Variants in MAST4 observed in about 807,000 individuals in gnomAD.
MAST4 encodes microtubule-associated serine/threonine-protein kinase 4.
MAST4 carries 89 observed loss-of-function variants against 162.7 expected under a neutral mutation model. That is an observed-to-expected ratio of 0.55 (90% CI 0.46 to 0.65). MAST4 has a LOEUF of 0.65. Among genes scored for constraint, MAST4 ranks in the 30% least tolerant of loss-of-function variants. MAST4 has a pLI of 0.00. For missense variants in MAST4, 3,153 were observed against 3,374.0 expected (o/e 0.93, Z 1.62); for synonymous variants, 1,479 against 1,361.1 (o/e 1.09, Z -1.91).
chr5:66,837,878 A>G (rs1469294416), intron 3 of MAST4, among the ~76,000 whole-genome samples: 1 of 50,442 alleles, frequency 2.0e-5, no homozygotes, highest in Non-Finnish European at 3.4e-5. Flanking sequence ...ATATATATAT[A>G]TATATATATA....
At chr5:66,600,829 T>C (rs1404362601) in intron 1 of MAST4, among the ~76,000 whole-genome samples, 1 of 152,204 alleles carries the variant, frequency 6.6e-6, no homozygotes, top group East Asian at 1.9e-4. Context: ...TCACTGTGTT[T>C]ATTAGAACTT....
intron 4 of MAST4, among the ~76,000 whole-genome samples, chr5:66,915,830 C>T (rs2150028624): frequency 6.6e-6 from 1 of 152,320 alleles, no homozygotes; most frequent in East Asian, 1.9e-4. Context: ...CCCTTAGTGT[C>T]CGCCTGAGGT....
intron 4 of MAST4, among the ~76,000 whole-genome samples, chr5:67,000,575 G>A (rs982619196): frequency 9.2e-5 from 14 of 151,960 alleles, no homozygotes; most frequent in Admixed American, 3.9e-4. Flanking sequence ...GTGAAACCCC[G>A]TCCCTACTAA....
chr5:66,649,109 G>A (rs942170658), intron 1 of MAST4, among the ~76,000 whole-genome samples: 19 of 152,020 alleles, frequency 1.2e-4, no homozygotes, highest in Admixed American at 5.9e-4. Context: ...GAGTATTTCC[G>A]CTTTTGTGAT....
chr5:67,145,702 G>T (rs1182871761), intron 23 of MAST4, among the ~76,000 whole-genome samples: 1 of 152,186 alleles, frequency 6.6e-6, no homozygotes, highest in East Asian at 1.9e-4. Context: ...GTTCTCAGTT[G>T]TTGATGCAAA....
chr5:66,845,817 G>C (rs1187193254), intron 3 of MAST4, among the ~76,000 whole-genome samples: 1 of 152,118 alleles, frequency 6.6e-6, no homozygotes, highest in Non-Finnish European at 1.5e-5. Context: ...AACACTTTAA[G>C]ATTAGTGGAC....
At chr5:66,910,230 A>G (rs1763653913) in intron 4 of MAST4, among the ~76,000 whole-genome samples, 1 of 152,210 alleles carries the variant, frequency 6.6e-6, no homozygotes, top group Non-Finnish European at 1.5e-5. Flanking sequence ...TACCCTTAAC[A>G]GTAGCTGAAG....
intron 26 of MAST4, among the ~76,000 whole-genome samples, chr5:67,159,546 A>G (rs950304340): frequency 2.0e-5 from 3 of 152,194 alleles, no homozygotes; most frequent in African/African-American, 7.2e-5. Flanking sequence ...GGCCTTTAAA[A>G]AGATCCTTTT....
chr5:66,666,749 A>G (rs1747286935), intron 1 of MAST4, among the ~76,000 whole-genome samples: 1 of 152,238 alleles, frequency 6.6e-6, no homozygotes, highest in African/African-American at 2.4e-5. Flanking sequence ...CGTTTTAAAT[A>G]TTACTTTCCT....
chr5:66,797,486 G>A (rs1215074115), intron 3 of MAST4, among the ~76,000 whole-genome samples: 1 of 152,168 alleles, frequency 6.6e-6, no homozygotes, highest in Non-Finnish European at 1.5e-5. Flanking sequence ...TTCTGAATCA[G>A]TGTGTTCCCC....
At chr5:66,763,675 CAT>C (rs994865978) in intron 2 of MAST4, among the ~76,000 whole-genome samples, 1 of 152,134 alleles carries the variant, frequency 6.6e-6, no homozygotes, top group Non-Finnish European at 1.5e-5. Flanking sequence ...TAAATGGTCT[CAT>C]AGTGTCTCAT....
At chr5:67,052,854 TCAG>T (rs1758354534) in intron 4 of MAST4, among the ~76,000 whole-genome samples, 1 of 152,144 alleles carries the variant, frequency 6.6e-6, no homozygotes, top group Non-Finnish European at 1.5e-5. Flanking sequence ...TCTATTAACA[TCAG>T]CAAGTTAATA....
chr5:66,889,029 A>G (rs1197240734), intron 3 of MAST4, among the ~76,000 whole-genome samples: 1 of 152,246 alleles, frequency 6.6e-6, no homozygotes, highest in African/African-American at 2.4e-5. Context: ...TATATCCACT[A>G]TATTAACTAG....
At chr5:67,142,585 C>T in intron 21 of MAST4, 52 bp downstream of exon 21, 1 of 1,233,004 alleles carries the variant, frequency 8.1e-7, no homozygotes, top group Non-Finnish European at 1.2e-6. Context: ...GGATCTCCCG[C>T]TGGCCAGATA....
intron 1 of MAST4, among the ~76,000 whole-genome samples, chr5:66,728,038 A>G (rs1224779790): frequency 6.6e-6 from 1 of 152,178 alleles, no homozygotes; most frequent in Non-Finnish European, 1.5e-5. Context: ...AATGGGGGAT[A>G]ATACCATATA....
intron 1 of MAST4, among the ~76,000 whole-genome samples, chr5:66,628,083 G>A (rs1334125160): frequency 6.6e-6 from 1 of 152,086 alleles, no homozygotes; most frequent in Non-Finnish European, 1.5e-5. Flanking sequence ...CCAGACTATA[G>A]TGCAGTGGTG....
intron 4 of MAST4, among the ~76,000 whole-genome samples, chr5:67,048,388 A>T (rs559863601): frequency 6.6e-6 from 1 of 152,212 alleles, no homozygotes; most frequent in Non-Finnish European, 1.5e-5. Context: ...GTAGACATTC[A>T]TCCAAAAGTA....
chr5:66,938,072 CTGTT>C (rs1161626723), intron 4 of MAST4, among the ~76,000 whole-genome samples: 1 of 152,048 alleles, frequency 6.6e-6, no homozygotes, highest in African/African-American at 2.4e-5. Flanking sequence ...TCAGTTGAGT[CTGTT>C]TGGTTTTCTA....
Position 66,596,426 on chromosome 5 carries a change from A to C in MAST4, c.-230A>C. The C allele has an allele frequency of 1.9e-5, 8 of 416,094 alleles. No individual in the cohort carries two copies. Among genetic ancestry groups the C allele is most frequent in the East Asian group, 3.7e-5 (1 of 26,722 alleles). The allele number at this position is 416,094 out of a possible 1,614,324, so 25.8% of individuals were successfully genotyped here. A position where few individuals can be genotyped will look rare whatever the true frequency, so the allele number is the denominator to read the frequency against. On this transcript the variant is annotated 5_prime_UTR_variant, in exon 1 of 29. An upstream start codon of the reference 5' UTR is lost. Transcript: ENST00000403625. ...GCGCAGATCGCGGACCCGAGCGGGC[A>C]TGTCCCCGCGCGCGGGAGCCTCCGT...
Sources: gnomAD v4.1 joint callset for allele counts (sites outside exome capture counted in the v4.1 genomes callset) on GRCh38, gnomAD v4.1.1 for gene constraint, MANE v1.5 for transcripts, NCBI Gene and HGNC (gene_info 2026-07-23, HGNC 2026-07-21) for gene names.